MACROD2: variants seen among roughly 807,000 people sequenced by gnomAD.
The protein encoded by MACROD2 is mono-ADP ribosylhydrolase 2.
In MACROD2, 36 loss-of-function variants were observed where a neutral mutation model predicts 70.4. The observed-to-expected ratio is 0.51, with a 90% CI of 0.39 to 0.68. MACROD2 has a LOEUF of 0.68. MACROD2 is among the 30% of genes least tolerant of loss of function. The pLI is 0.00. For synonymous variants in MACROD2, 172 were observed against 178.8 expected (o/e 0.96, Z 0.30); for missense variants, 496 against 538.4 (o/e 0.92, Z 0.78).
intron 8 of MACROD2, among the ~76,000 whole-genome samples, chr20:15,563,836 A>G (rs1420435): frequency 0.54 from 81,711 of 152,130 alleles, 27,049 homozygotes; most frequent in Non-Finnish European, 0.75. Context: ...TGATCAATGA[A>G]AGCAGGGTAA....
chr20:15,048,796 C>A (rs1229314630), intron 5 of MACROD2, among the ~76,000 whole-genome samples: 1 of 152,080 alleles, frequency 6.6e-6, no homozygotes, highest in Non-Finnish European at 1.5e-5. Flanking sequence ...CCTCAACATA[C>A]CCCCATCCAC....
chr20:15,737,793 G>T (rs1034031918), intron 8 of MACROD2, among the ~76,000 whole-genome samples: 1 of 152,134 alleles, frequency 6.6e-6, no homozygotes, highest in African/African-American at 2.4e-5. Flanking sequence ...GAGCAAAGGG[G>T]CTCAAAACTG....
At chr20:15,405,683 T>C (rs1451271761) in intron 6 of MACROD2, among the ~76,000 whole-genome samples, 2 of 152,186 alleles carry the variant, frequency 1.3e-5, no homozygotes, top group African/African-American at 4.8e-5. Flanking sequence ...CCTCCCACCT[T>C]GCAGATTTTA....
At chr20:15,734,687 C>T (rs1230277521) in intron 8 of MACROD2, among the ~76,000 whole-genome samples, 1 of 152,114 alleles carries the variant, frequency 6.6e-6, no homozygotes, top group African/African-American at 2.4e-5. Context: ...TATTTCTTGT[C>T]CCTTTTATAT....
chr20:15,613,315 T>C (rs1339135197), intron 8 of MACROD2, among the ~76,000 whole-genome samples: 1 of 152,242 alleles, frequency 6.6e-6, no homozygotes, highest in Non-Finnish European at 1.5e-5. Flanking sequence ...GATTGGGGTC[T>C]TTATTGGCAT....
At chr20:15,057,941 C>T (rs439191) in intron 5 of MACROD2, among the ~76,000 whole-genome samples, 91,490 of 152,008 alleles carry the variant, frequency 0.6, 28,236 homozygotes, top group African/African-American at 0.75. Flanking sequence ...CTATGACTTT[C>T]CTGTTGATCC....
intron 5 of MACROD2, among the ~76,000 whole-genome samples, chr20:15,016,694 T>C (rs1380328456): frequency 6.6e-6 from 1 of 151,968 alleles, no homozygotes; most frequent in South Asian, 2.1e-4. Context: ...CGAAGAAAGG[T>C]TGAATTGGAC....
chr20:14,477,728 C>G (rs1468977433), intron 3 of MACROD2, among the ~76,000 whole-genome samples: 1 of 152,064 alleles, frequency 6.6e-6, no homozygotes, highest in Non-Finnish European at 1.5e-5. Context: ...TAATTTTACT[C>G]ATTGGAGGTT....
At position 15,233,963 on chromosome 20, in the gene MACROD2, TTATTTTTATATATATTTATTTATATA is replaced by T. The variant is rs1438609243; in HGVS notation, c.540+3906_540+3931del. 9.1e-5 allele frequency among the ~76,000 whole-genome samples: 7 copies of T among 76,544 alleles called. 1 individual carries two copies. The South Asian group carries it at 1.7e-3, about 18-fold the overall frequency. 50.2% of individuals were successfully genotyped at this position (76,544 alleles called of 152,430 possible). ...TGAGTTACCCTTGGATCCAAAAAAT[TTATTTTTATATATATTTATTTATATA>T]TATATATATATATATATATATTCTT... is the stretch of plus-strand genomic sequence containing the variant. On this transcript the variant is annotated intron_variant, in intron 6 of 17. Transcript: ENST00000684519.
chr20:15,075,501 TG>T (rs2075650931), intron 5 of MACROD2, among the ~76,000 whole-genome samples: 1 of 152,192 alleles, frequency 6.6e-6, no homozygotes, highest in African/African-American at 2.4e-5. Context: ...ACTTCAGGGC[TG>T]TTTAAATCAG....
At chr20:14,304,121 T>C (rs1338736541) in intron 3 of MACROD2, among the ~76,000 whole-genome samples, 1 of 152,204 alleles carries the variant, frequency 6.6e-6, no homozygotes, top group East Asian at 1.9e-4. Flanking sequence ...AATGCAAACT[T>C]TCATGTCATC....
chr20:14,501,985 G>C (rs2123124849), intron 4 of MACROD2, among the ~76,000 whole-genome samples: 1 of 152,214 alleles, frequency 6.6e-6, no homozygotes, highest in African/African-American at 2.4e-5. Context: ...TTATCTACTT[G>C]CGTTAAAGGT....
intron 5 of MACROD2, among the ~76,000 whole-genome samples, chr20:14,830,816 C>T (rs1267567237): frequency 6.6e-6 from 1 of 152,108 alleles, no homozygotes; most frequent in Non-Finnish European, 1.5e-5. Flanking sequence ...ATAATTGAAC[C>T]AGCCACAAAT....
intron 8 of MACROD2, among the ~76,000 whole-genome samples, chr20:15,676,627 T>C (rs1270832633): frequency 6.6e-6 from 1 of 152,230 alleles, no homozygotes; most frequent in African/African-American, 2.4e-5. Flanking sequence ...TTCACTTTGT[T>C]TTATTGCACT....
At chr20:14,480,685 G>T (rs1371529186) in intron 3 of MACROD2, among the ~76,000 whole-genome samples, 1 of 152,154 alleles carries the variant, frequency 6.6e-6, no homozygotes, top group Non-Finnish European at 1.5e-5. Flanking sequence ...CAGCTGGCCT[G>T]ATGGAACTGT....
rs374464781 is a variant in MACROD2 at position 14,322,175 on chromosome 20, AAT to A, written c.272-171279_272-171278del. ...GACTTGTATCTTGATATTCTATTGA[AAT>A]ATATATATATATATATATATATATT... is the stretch of plus-strand genomic sequence containing the variant. On this transcript the variant is annotated intron_variant, in intron 3 of 17. Coordinates refer to ENST00000684519, the MANE Select transcript of MACROD2 (RefSeq NM_001351661.2). Among the ~76,000 whole-genome samples, 610 of 66,360 alleles carry A rather than the reference AAT, an allele frequency of 9.2e-3. 46 individuals carry two copies. The highest frequency in any genetic ancestry group is 0.02 in the African/African-American group (429 of 21,884). The allele number at this position is 66,360 out of a possible 152,430, so 43.5% of individuals were successfully genotyped here.
At chr20:14,024,146 T>C (rs2053125174) in intron 2 of MACROD2, among the ~76,000 whole-genome samples, 1 of 152,242 alleles carries the variant, frequency 6.6e-6, no homozygotes, top group Non-Finnish European at 1.5e-5. Context: ...CTAGGTATTT[T>C]ATTCTCTTTG....
chr20:14,923,795 AG>A (rs1324301547), intron 5 of MACROD2, among the ~76,000 whole-genome samples: 30 of 2,534 alleles, frequency 0.012, no homozygotes, highest in South Asian at 0.03. Context: ...GCGTTGGGGG[AG>A]GGGGGGGCGG....
In MACROD2 at chr20:14,777,492, A is replaced by G. The variant is rs147077545; in HGVS notation, c.418+92533A>G. On this transcript the variant is annotated intron_variant, in intron 5 of 17. Coordinates refer to ENST00000684519, the MANE Select transcript of MACROD2 (RefSeq NM_001351661.2). ...CTGCTGCTGTTTTATGGCTTCATATATTTTGGTGGCAGTCCTTAACAGCTG... is the reference window on the plus strand; with the variant it reads ...CTGCTGCTGTTTTATGGCTTCATATGTTTTGGTGGCAGTCCTTAACAGCTG... Among the ~76,000 whole-genome samples, 930 of 152,042 alleles carry G rather than the reference A, an allele frequency of 6.1e-3. 18 individuals carry two copies. The highest frequency in any genetic ancestry group is 0.021 in the African/African-American group (888 of 41,432).
Sources: allele counts gnomAD v4.1 joint callset (sites outside exome capture counted in the v4.1 genomes callset), GRCh38; gene constraint gnomAD v4.1.1; transcripts MANE v1.5; gene names NCBI Gene and HGNC (gene_info 2026-07-23, HGNC 2026-07-21).